PRKN: variants seen among roughly 807,000 people sequenced by gnomAD.
PRKN encodes E3 ubiquitin-protein ligase parkin.
A neutral mutation model predicts 59.5 loss-of-function variants in PRKN; 56 were observed. That is an observed-to-expected ratio of 0.94 (90% CI 0.76 to 1.18). PRKN has a LOEUF of 1.18. Among genes scored for constraint, PRKN ranks in the 50% most tolerant of loss-of-function variants. The pLI is 0.00. For synonymous variants in PRKN, 250 were observed against 222.1 expected (o/e 1.13, Z -1.12); for missense variants, 657 against 596.4 (o/e 1.10, Z -1.06).
chr6:161,474,996 C>T (rs1365685147), intron 9 of PRKN, among the ~76,000 whole-genome samples: 2 of 149,646 alleles, frequency 1.3e-5, no homozygotes, highest in East Asian at 4.0e-4. Flanking sequence ...CCTCCGCCTC[C>T]TGGGTTCAAG....
rs1240815493 is a variant in PRKN, at chr6:161,547,553, G to A, written c.1083+1301C>T. 1.3e-5 allele frequency among the ~76,000 whole-genome samples: 2 copies of A among 152,192 alleles called. No homozygotes were observed. The highest frequency in any genetic ancestry group is 3.8e-4 in the East Asian group (2 of 5,202). ...GTTAAAATCTTAAAATCCAGCTTTA[G>A]AGGATGGAACCACAGTAGGCAATTA... is the stretch of plus-strand genomic sequence containing the variant. On this transcript the variant is annotated intron_variant, in intron 9 of 11. Transcript: ENST00000366898. This position sits in a 1 kb window ranked among gnomAD's most constrained non-coding sequence, Gnocchi z 4.0.
chr6:162,721,982 G>GT (rs1333937966), intron 1 of PRKN, among the ~76,000 whole-genome samples: 1 of 152,186 alleles, frequency 6.6e-6, no homozygotes, highest in East Asian at 1.9e-4. Flanking sequence ...GCATGTATGT[G>GT]TGTGCTGATA....
At chr6:161,865,059 T>C (rs745380697) in intron 6 of PRKN, among the ~76,000 whole-genome samples, 7 of 152,340 alleles carry the variant, frequency 4.6e-5, no homozygotes, top group Admixed American at 3.9e-4. Flanking sequence ...TCTTGATCCA[T>C]GGGCTGCAGA....
At chr6:161,710,316 C>T (rs1027651226) in intron 7 of PRKN, among the ~76,000 whole-genome samples, 1 of 152,166 alleles carries the variant, frequency 6.6e-6, no homozygotes, top group Non-Finnish European at 1.5e-5. Flanking sequence ...GCTTTCAGCA[C>T]GCTCATTCAC....
intron 7 of PRKN, among the ~76,000 whole-genome samples, chr6:161,754,451 C>T (rs182131671): frequency 0.011 from 1,627 of 152,004 alleles, 89 homozygotes; most frequent in Admixed American, 0.085. Context: ...GGAGGCTGTC[C>T]GAGGGGTGGG....
chr6:162,007,705 G>A (rs1441728525), intron 5 of PRKN, among the ~76,000 whole-genome samples: 1 of 151,882 alleles, frequency 6.6e-6, no homozygotes. Context: ...TATGATATTG[G>A]AAGGAAAAAA....
chr6:161,364,687 C>G (rs558241536), intron 10 of PRKN, among the ~76,000 whole-genome samples: 159 of 151,606 alleles, frequency 1.0e-3, no homozygotes, highest in Non-Finnish European at 1.7e-3. Flanking sequence ...TGGCTCACGC[C>G]TGTAATCCTA....
intron 5 of PRKN, among the ~76,000 whole-genome samples, chr6:161,983,955 A>C (rs929896090): frequency 3.3e-5 from 5 of 152,130 alleles, no homozygotes; most frequent in Non-Finnish European, 7.3e-5. Flanking sequence ...ACTGACCCTT[A>C]TAAAATGCGT....
intron 1 of PRKN, among the ~76,000 whole-genome samples, chr6:162,456,468 T>C (rs1489729298): frequency 6.6e-6 from 1 of 152,190 alleles, no homozygotes; most frequent in African/African-American, 2.4e-5. Context: ...AGGCTTATGG[T>C]ACAAGAGAAT....
chr6:161,512,198 T>TA (rs199553778), intron 9 of PRKN, among the ~76,000 whole-genome samples: 1,761 of 152,130 alleles, frequency 0.012, 17 homozygotes, highest in Middle Eastern at 0.031. Flanking sequence ...TTTTTATTAG[T>TA]AAAAAATGCT....
At chr6:162,247,249 A>T (rs1779239340) in intron 3 of PRKN, among the ~76,000 whole-genome samples, 1 of 152,190 alleles carries the variant, frequency 6.6e-6, no homozygotes, top group African/African-American at 2.4e-5. Context: ...ACTTAAATAG[A>T]AGAAACAGTA....
chr6:162,326,902 G>T (rs1487386012), intron 2 of PRKN, among the ~76,000 whole-genome samples: 1 of 152,150 alleles, frequency 6.6e-6, no homozygotes, highest in African/African-American at 2.4e-5. Context: ...TTAAAATCAT[G>T]TGACTACACA....
rs955611536 is a variant in PRKN at position 161,458,256 on chromosome 6, T to C, written c.1084-71379A>G. Among the ~76,000 whole-genome samples the C allele has an allele frequency of 1.4e-4, 22 of 152,188 alleles. No individual in the cohort carries two copies. Among genetic ancestry groups the C allele is most frequent in the Non-Finnish European group, 1.3e-4 (9 of 68,000 alleles). On this transcript the variant is annotated intron_variant, in intron 9 of 11. Transcript: ENST00000366898. This position sits in a 1 kb window ranked among gnomAD's most constrained non-coding sequence, Gnocchi z 6.1. ...CTGCCACTTACAGATTTCAGAAACG[T>C]GTTGTCATTCTTTAATCATGATCAT...
intron 1 of PRKN, among the ~76,000 whole-genome samples, chr6:162,526,586 G>A (rs551253946): frequency 6.6e-6 from 1 of 151,472 alleles, no homozygotes; most frequent in East Asian, 1.9e-4. Context: ...GGAGGCGGAG[G>A]TTGCAGTGAG....
At chr6:162,122,716 T>TTCTATCTATCTATCTATCTA (rs71544924) in intron 4 of PRKN, among the ~76,000 whole-genome samples, 3 of 147,920 alleles carry the variant, frequency 2.0e-5, no homozygotes, top group South Asian at 4.4e-4. Context: ...GCTCAATCTG[T>TTCTATCTATCTATCTATCTA]TCTATCTATC....
At chr6:162,627,648 G>A (rs932580117) in intron 1 of PRKN, among the ~76,000 whole-genome samples, 2 of 152,108 alleles carry the variant, frequency 1.3e-5, no homozygotes, top group African/African-American at 2.4e-5. Flanking sequence ...CAGGGTGAAC[G>A]CAGGTGAAGA....
intron 7 of PRKN, among the ~76,000 whole-genome samples, chr6:161,691,107 C>T (rs564229652): frequency 6.6e-6 from 1 of 152,146 alleles, no homozygotes; most frequent in South Asian, 2.1e-4. Context: ...ATCTATCCAT[C>T]TATCCACCTA....
At chr6:162,630,319 C>G (rs1480297821) in intron 1 of PRKN, among the ~76,000 whole-genome samples, 3 of 152,160 alleles carry the variant, frequency 2.0e-5, no homozygotes, top group African/African-American at 7.2e-5. Flanking sequence ...TAATGCTGCA[C>G]AGATCTTCAG....
intron 1 of PRKN, among the ~76,000 whole-genome samples, chr6:162,700,801 AAAAAGCACTAT>A (rs1265909044): frequency 1.3e-5 from 2 of 151,936 alleles, no homozygotes; most frequent in Non-Finnish European, 2.9e-5. Flanking sequence ...TCTCAACTTA[AAAAAGCACTAT>A]AAAAGCACTT....
Sources: gnomAD v4.1 joint callset for allele counts (sites outside exome capture counted in the v4.1 genomes callset) on GRCh38, gnomAD v4.1.1 for gene constraint, Gnocchi (gnomAD v3.1) non-coding constraint, MANE v1.5 for transcripts, NCBI Gene and HGNC (gene_info 2026-07-23, HGNC 2026-07-21) for gene names.